Variants in DOCK3 observed in about 807,000 individuals in gnomAD.
DOCK3 encodes dedicator of cytokinesis 3.
DOCK3 carries 60 observed loss-of-function variants against 265.6 expected under a neutral mutation model. The observed-to-expected ratio is 0.23, with a 90% CI of 0.18 to 0.28. DOCK3 has a LOEUF of 0.28. Ranked by LOEUF, DOCK3 falls within the 10% of genes least tolerant of loss-of-function variation. The pLI is 1.00. For synonymous variants in DOCK3, 881 were observed against 938.0 expected (o/e 0.94, Z 1.11); for missense variants, 1,981 against 2,594.3 (o/e 0.76, Z 5.14).
chr3:50,801,079 A>G (rs1292654700), intron 2 of DOCK3, among the ~76,000 whole-genome samples: 1 of 152,186 alleles, frequency 6.6e-6, no homozygotes, highest in East Asian at 1.9e-4. Flanking sequence ...TAAAAGAAAT[A>G]GTGCTTGAAT....
At position 51,241,655 on chromosome 3, in the gene DOCK3, C is replaced by G. The variant is rs184192032; in HGVS notation, c.2102+4065C>G. Among the ~76,000 whole-genome samples, 246 of 152,290 alleles carry G rather than the reference C, an allele frequency of 1.6e-3. 2 individuals carry two copies. Among genetic ancestry groups the G allele is most frequent in the African/African-American group, 5.1e-3 (213 of 41,566 alleles). ...TTTTTCTCTGTTCTTGTCTGACTGTCATATTTCAGAAGGCCAGTCTTCAAG... is the reference window on the plus strand; with the variant it reads ...TTTTTCTCTGTTCTTGTCTGACTGTGATATTTCAGAAGGCCAGTCTTCAAG... On this transcript the variant is annotated intron_variant, in intron 21 of 52. Transcript: ENST00000266037.
chr3:50,821,611 T>A (rs1444835986), intron 2 of DOCK3, among the ~76,000 whole-genome samples: 1 of 152,188 alleles, frequency 6.6e-6, no homozygotes, highest in Non-Finnish European at 1.5e-5. Context: ...CCTTCTAAGA[T>A]TTTTATAGTT....
At chr3:51,052,225 G>T (rs112281739) in intron 5 of DOCK3, among the ~76,000 whole-genome samples, 105 of 152,204 alleles carry the variant, frequency 6.9e-4, no homozygotes, top group African/African-American at 2.5e-3. Flanking sequence ...ACTAGAGTAG[G>T]CTGGGTGCAG....
At chr3:50,839,505 G>A (rs1175288322) in intron 2 of DOCK3, among the ~76,000 whole-genome samples, 1 of 152,052 alleles carries the variant, frequency 6.6e-6, no homozygotes, top group African/African-American at 2.4e-5. Context: ...CATTTGGTTC[G>A]GGACAGTGTT....
At chr3:51,138,986 A>C (rs529349681) in intron 9 of DOCK3, among the ~76,000 whole-genome samples, 3 of 152,286 alleles carry the variant, frequency 2.0e-5, no homozygotes, top group African/African-American at 4.8e-5. Flanking sequence ...CTTTTATAAC[A>C]GCCCTAGGTG....
intron 2 of DOCK3, among the ~76,000 whole-genome samples, chr3:50,788,653 T>C (rs146426014): frequency 6.6e-6 from 1 of 152,204 alleles, no homozygotes; most frequent in African/African-American, 2.4e-5. Context: ...TCCTGCCCAA[T>C]GTCTGTCCTC....
intron 27 of DOCK3, among the ~76,000 whole-genome samples, chr3:51,289,953 A>G (rs1163218836): frequency 2.6e-5 from 4 of 152,240 alleles, no homozygotes; most frequent in Non-Finnish European, 5.9e-5. Flanking sequence ...ATCACTGGCC[A>G]TCAGAGAAAT....
At chr3:50,783,347 T>A (rs2042022927) in intron 2 of DOCK3, among the ~76,000 whole-genome samples, 1 of 152,142 alleles carries the variant, frequency 6.6e-6, no homozygotes, top group African/African-American at 2.4e-5. Context: ...CTTTTTTTTT[T>A]ATTTTTAAAT....
At chr3:51,171,502 G>A (rs544803233) in intron 12 of DOCK3, among the ~76,000 whole-genome samples, 110 of 152,116 alleles carry the variant, frequency 7.2e-4, no homozygotes, top group African/African-American at 2.6e-3. Flanking sequence ...AGATCACGAG[G>A]TCATGAGATC....
At chr3:50,898,360 C>T (rs1471809825) in intron 4 of DOCK3, among the ~76,000 whole-genome samples, 5 of 151,914 alleles carry the variant, frequency 3.3e-5, no homozygotes, top group Admixed American at 2.6e-4. Flanking sequence ...CTATTGGATT[C>T]TTCTCTCTTT....
At chr3:51,250,565 ACCAAGATTGTGCCGCTGCACT>A (rs1357278149) in intron 22 of DOCK3, among the ~76,000 whole-genome samples, 1 of 152,160 alleles carries the variant, frequency 6.6e-6, no homozygotes, top group African/African-American at 2.4e-5. Flanking sequence ...GTTGCAGTGA[ACCAAGATTGTGCCGCTGCACT>A]CCAGCCTGGG....
intron 12 of DOCK3, among the ~76,000 whole-genome samples, chr3:51,197,134 T>C (rs2088352407): frequency 6.6e-6 from 1 of 152,238 alleles, no homozygotes; most frequent in Non-Finnish European, 1.5e-5. Flanking sequence ...TAAACAGCAT[T>C]AGTGGCATCT....
chr3:50,902,054 C>T (rs1266003290), intron 4 of DOCK3, among the ~76,000 whole-genome samples: 2 of 151,996 alleles, frequency 1.3e-5, no homozygotes, highest in Non-Finnish European at 2.9e-5. Context: ...TGTCATTTGC[C>T]CGCTTTTTAG....
intron 23 of DOCK3, among the ~76,000 whole-genome samples, chr3:51,267,559 A>AT (rs968180192): frequency 6.6e-6 from 1 of 151,396 alleles, no homozygotes; most frequent in African/African-American, 2.4e-5. Context: ...TAATTTTTTC[A>AT]TTTTTTATTA....
intron 5 of DOCK3, among the ~76,000 whole-genome samples, chr3:51,029,627 G>C (rs1475790948): frequency 6.6e-6 from 1 of 152,176 alleles, no homozygotes; most frequent in Non-Finnish European, 1.5e-5. Context: ...CCAAGGCGGG[G>C]CTTTGGTGTG....
chr3:50,716,243 G>C (rs2037098857), intron 1 of DOCK3, among the ~76,000 whole-genome samples: 1 of 151,830 alleles, frequency 6.6e-6, no homozygotes, highest in Non-Finnish European at 1.5e-5. Context: ...TTTGGGTGTA[G>C]TTGGCCAGGC....
chr3:50,825,851 C>T (rs1300783248), intron 2 of DOCK3, among the ~76,000 whole-genome samples: 1 of 152,142 alleles, frequency 6.6e-6, no homozygotes, highest in Non-Finnish European at 1.5e-5. Flanking sequence ...TGAAGTTGGA[C>T]TTGCAAACTA....
At chr3:51,041,173 TATATATATATATATATATATA>T (rs2080472899) in intron 5 of DOCK3, among the ~76,000 whole-genome samples, 2 of 10,912 alleles carry the variant, frequency 1.8e-4, no homozygotes, top group African/African-American at 5.4e-4. Context: ...TATATATATA[TATATATATATATATATATATA>T]TATATATATA....
intron 12 of DOCK3, among the ~76,000 whole-genome samples, chr3:51,184,657 C>A (rs2087494020): frequency 6.6e-6 from 1 of 152,082 alleles, no homozygotes; most frequent in Admixed American, 6.6e-5. Flanking sequence ...AGAAACAAAT[C>A]TCTTATGTAG....
Sources: gnomAD v4.1 joint callset for allele counts (sites outside exome capture counted in the v4.1 genomes callset) on GRCh38, gnomAD v4.1.1 for gene constraint, MANE v1.5 for transcripts, NCBI Gene and HGNC (gene_info 2026-07-23, HGNC 2026-07-21) for gene names.